GABRP: variants seen among roughly 807,000 people sequenced by gnomAD.
The protein encoded by GABRP is gamma-aminobutyric acid receptor subunit pi.
Under a neutral mutation model 47.8 loss-of-function variants are expected in GABRP, and 52 were observed. The ratio of observed to expected loss-of-function variants is 1.09; its 90% CI spans 0.87 to 1.37. The LOEUF is 1.37. GABRP is among the 40% of genes most tolerant of loss of function. The pLI is 0.00. For synonymous variants in GABRP, 221 were observed against 205.8 expected, an observed-to-expected ratio of 1.07 and a Z score of -0.63; for missense variants, 525 against 542.8, an observed-to-expected ratio of 0.97 and a Z score of 0.33.
chr5:170,783,672 C>T (rs1765058930), upstream of GABRP: 1 of 152,198 alleles, frequency 6.6e-6, no homozygotes, highest in African/African-American at 2.4e-5. Flanking sequence ...AGGCTCCGCC[C>T]ACCTCTGTTT....
In GABRP at chr5:170,788,662, C is replaced by T; in HGVS notation, c.47C>T (p.Thr16Ile). The change falls in exon 2 of 10, where the codon ACT (threonine) becomes ATT (isoleucine). Residue 16 changes from threonine (T) to isoleucine (I), a missense_variant. Physicochemically the swap from Thr to Ile is moderately conservative, Grantham distance 89. Transcript: ENST00000265294. ...GCCTTCGTGTGTCTGAGTCTCTTCA[C>T]TGAGAGGTGAGCTTTGCTACCCCCA... ...HLAFVCLSLF[T>I]ERMCIQGSQF... 1.2e-6 allele frequency: 2 copies of T among 1,614,130 alleles called. No individual in the cohort carries two copies. Among genetic ancestry groups the T allele is most frequent in the Non-Finnish European group, 1.7e-6 (2 of 1,179,990 alleles).
At chr5:170,804,519 G>T (rs550176917) in intron 6 of GABRP, among the ~76,000 whole-genome samples, 9 of 152,054 alleles carry the variant, frequency 5.9e-5, no homozygotes, top group African/African-American at 2.2e-4. Context: ...GCTGGCCTTC[G>T]TTACTGTCTA....
intron 6 of GABRP, among the ~76,000 whole-genome samples, chr5:170,798,186 C>T (rs990505527): frequency 2.0e-5 from 3 of 152,172 alleles, no homozygotes; most frequent in Admixed American, 6.5e-5. Context: ...GGACCACAGG[C>T]GCCCGCCACC....
intron 4 of GABRP, 87 bp downstream of exon 4, chr5:170,794,385 A>G: frequency 1.2e-6 from 1 of 804,160 alleles, no homozygotes; most frequent in Non-Finnish European, 2.0e-6. Flanking sequence ...CAAAAAAAAA[A>G]AAAAAAAAAA....
chr5:170,795,142 T>A (rs1765390654), intron 4 of GABRP, 66 bp from the exon 5 acceptor site: 2 of 1,157,046 alleles, frequency 1.7e-6, no homozygotes, highest in Admixed American at 1.7e-5. Context: ...ACCACTTTCC[T>A]CCATTTGGTG....
chr5:170,790,375 G>T (rs1405097280), intron 3 of GABRP, among the ~76,000 whole-genome samples: 1 of 152,104 alleles, frequency 6.6e-6, no homozygotes, highest in East Asian at 1.9e-4. Flanking sequence ...GTAAGCCTGA[G>T]GCACAGTGCC....
chr5:170,792,673 C>T (rs995232374), intron 3 of GABRP, among the ~76,000 whole-genome samples: 1 of 152,200 alleles, frequency 6.6e-6, no homozygotes, highest in African/African-American at 2.4e-5. Context: ...TCAAAGATCT[C>T]GCCCTTTCCC....
intron 1 of GABRP, among the ~76,000 whole-genome samples, chr5:170,785,392 TG>T (rs1332592625): frequency 6.6e-6 from 1 of 152,218 alleles, no homozygotes; most frequent in Non-Finnish European, 1.5e-5. Context: ...TAACACCTTC[TG>T]GGCCAGCAGC....
intron 6 of GABRP, among the ~76,000 whole-genome samples, chr5:170,800,662 T>A (rs1417812712): frequency 1.3e-5 from 2 of 152,062 alleles, no homozygotes; most frequent in Non-Finnish European, 2.9e-5. Flanking sequence ...TAGTAATAAA[T>A]GGGCAAGGCA....
chr5:170,788,265 G>A (rs1040908261), intron 1 of GABRP: 17 of 192,172 alleles, frequency 8.8e-5, no homozygotes, highest in Admixed American at 1.2e-4. Context: ...TGGGAGCATC[G>A]CTGGAGCCTG....
chr5:170,783,586 C>G (rs955181279), upstream of GABRP: 1 of 142,730 alleles, frequency 7.0e-6, no homozygotes, highest in Non-Finnish European at 1.6e-5. Context: ...AGCTGACGAT[C>G]TCCAGAAACT....
At position 170,794,285 on chromosome 5, in the gene GABRP, CAG is replaced by C; in HGVS notation, c.232_233del (p.Ser78Ter). ...GACATTGCAAGTATCTCTAGCATTT[CAG>C]AGAGTAACATGGTAAGCGCTGTTCC... is the stretch of plus-strand genomic sequence containing the variant. On this transcript the variant is annotated frameshift_variant, in exon 4 of 10. Coordinates refer to ENST00000265294, the MANE Select transcript of GABRP (RefSeq NM_014211.3). LOFTEE classifies it high-confidence loss of function. 1.9e-6 allele frequency: 3 copies of C among 1,604,588 alleles called. No homozygotes were observed. The highest frequency in any genetic ancestry group is 1.7e-6 in the Non-Finnish European group (2 of 1,175,824).
At chr5:170,795,801 G>A (rs1318829) in intron 5 of GABRP, among the ~76,000 whole-genome samples, 8,108 of 152,240 alleles carry the variant, frequency 0.053, 721 homozygotes, top group African/African-American at 0.19. Flanking sequence ...AAGGAAGTTA[G>A]CAAGGGAAGA....
upstream of GABRP, among the ~76,000 whole-genome samples, chr5:170,783,162 C>A (rs1456593351): frequency 6.6e-6 from 1 of 152,264 alleles, no homozygotes; most frequent in African/African-American, 2.4e-5. Flanking sequence ...TCCTCCTGGG[C>A]CTCTATCCTC....
intron 9 of GABRP, among the ~76,000 whole-genome samples, chr5:170,811,682 C>A (rs987742479): frequency 6.6e-6 from 1 of 152,160 alleles, no homozygotes; most frequent in African/African-American, 2.4e-5. Flanking sequence ...AAAGCCTGAG[C>A]ATTTCGCATC....
intron 7 of GABRP, among the ~76,000 whole-genome samples, chr5:170,808,019 T>C (rs1214303318): frequency 6.6e-6 from 1 of 152,204 alleles, no homozygotes; most frequent in Non-Finnish European, 1.5e-5. Context: ...TGTTTTGTGC[T>C]ACAGTAGCCT....
intron 2 of GABRP, 125 bp from the exon 3 acceptor site, chr5:170,789,004 A>G: frequency 1.4e-6 from 1 of 735,230 alleles, no homozygotes; most frequent in South Asian, 1.7e-5. Context: ...TAGGAATGTC[A>G]CTGCTGGTAC....
chr5:170,799,115 A>G (rs972217813), intron 6 of GABRP, among the ~76,000 whole-genome samples: 18 of 152,080 alleles, frequency 1.2e-4, no homozygotes, highest in Admixed American at 4.6e-4. Context: ...TGAACTCATC[A>G]TTTTTTATGG....
At chr5:170,797,143 G>T (rs115769361) in intron 5 of GABRP, among the ~76,000 whole-genome samples, 2 of 152,212 alleles carry the variant, frequency 1.3e-5, no homozygotes, top group South Asian at 4.1e-4. Context: ...GCCCACCCAG[G>T]TCTGTCAGGA....
Sources: gnomAD v4.1 joint callset for allele counts (sites outside exome capture counted in the v4.1 genomes callset) on GRCh38, gnomAD v4.1.1 for gene constraint, MANE v1.5 for transcripts, NCBI Gene and HGNC (gene_info 2026-07-23, HGNC 2026-07-21) for gene names.